The following NYAP2 variants were observed in gnomAD, a reference collection of about 807,000 sequenced individuals.
The protein encoded by NYAP2 is neuronal tyrosine-phosphorylated phosphoinositide-3-kinase adapter 2.
Under a neutral mutation model 50.4 loss-of-function variants are expected in NYAP2, and 23 were observed. The observed-to-expected ratio is 0.46, with a 90% CI of 0.33 to 0.65. The LOEUF is 0.65. Ranked by LOEUF, NYAP2 falls within the 30% of genes least tolerant of loss-of-function variation. NYAP2 has a pLI of 0.02. For missense variants in NYAP2, 885 were observed against 861.0 expected (o/e 1.03, Z -0.35); for synonymous variants, 394 against 365.2 (o/e 1.08, Z -0.90).
the NYAP2 span, among the ~76,000 whole-genome samples, chr2:225,674,296 A>G: frequency 1.3e-5 from 2 of 152,118 alleles, no homozygotes; most frequent in African/African-American, 4.8e-5. Flanking sequence ...GACATGCTGT[A>G]CAAAGAAGGG....
At chr2:225,587,933 C>T (rs888234618) in intron 5 of NYAP2, among the ~76,000 whole-genome samples, 3 of 149,258 alleles carry the variant, frequency 2.0e-5, no homozygotes, top group Non-Finnish European at 4.5e-5. Flanking sequence ...GTAGTAAATA[C>T]TTTTTTTTTT....
intron 3 of NYAP2, among the ~76,000 whole-genome samples, chr2:225,416,438 A>T (rs994838886): frequency 2.6e-5 from 4 of 152,164 alleles, no homozygotes; most frequent in African/African-American, 9.6e-5. Flanking sequence ...GAGTCCCCTT[A>T]TACAGGTCAA....
At chr2:225,522,290 C>T (rs1574657198) in intron 4 of NYAP2, among the ~76,000 whole-genome samples, 1 of 152,186 alleles carries the variant, frequency 6.6e-6, no homozygotes, top group African/African-American at 2.4e-5. Context: ...TATTTTCAAA[C>T]TTCTTTATTA....
chr2:225,680,492 GA>G, the NYAP2 span, among the ~76,000 whole-genome samples: 1 of 152,082 alleles, frequency 6.6e-6, no homozygotes, highest in African/African-American at 2.4e-5. Context: ...GTTTTCTCAA[GA>G]AATTCTTTTT....
intron 4 of NYAP2, among the ~76,000 whole-genome samples, chr2:225,534,840 G>A (rs965657000): frequency 1.3e-5 from 2 of 152,150 alleles, no homozygotes; most frequent in East Asian, 3.9e-4. Flanking sequence ...TAACTCCCAG[G>A]GCTGAGTCAG....
chr2:225,652,237 A>G (rs1693744663), exon 7 of NYAP2: 1 of 152,178 alleles, frequency 6.6e-6, no homozygotes, highest in African/African-American at 2.4e-5. Flanking sequence ...GATAATCTAG[A>G]TATTTAACAA....
At chr2:225,585,688 A>G (rs932351848) in intron 5 of NYAP2, among the ~76,000 whole-genome samples, 1 of 152,262 alleles carries the variant, frequency 6.6e-6, no homozygotes, top group South Asian at 2.1e-4. Context: ...TGCAGGTAAT[A>G]CAAATGAATA....
intron 3 of NYAP2, among the ~76,000 whole-genome samples, chr2:225,466,325 T>A (rs1056942909): frequency 2.6e-5 from 4 of 152,214 alleles, no homozygotes; most frequent in Non-Finnish European, 5.9e-5. Flanking sequence ...GTGTCATGAG[T>A]GCCTATTATA....
intron 5 of NYAP2, among the ~76,000 whole-genome samples, chr2:225,600,739 C>T (rs1262747069): frequency 6.6e-6 from 1 of 152,198 alleles, no homozygotes; most frequent in Non-Finnish European, 1.5e-5. Flanking sequence ...TTCCCAATCC[C>T]CTCTTCCCAC....
At chr2:225,503,805 T>G (rs1690650104) in intron 3 of NYAP2, among the ~76,000 whole-genome samples, 1 of 152,186 alleles carries the variant, frequency 6.6e-6, no homozygotes. Flanking sequence ...GACCATAAAA[T>G]CCATTCAATA....
the NYAP2 span, among the ~76,000 whole-genome samples, chr2:225,666,188 A>C: frequency 1.3e-5 from 2 of 151,946 alleles, no homozygotes; most frequent in African/African-American, 2.4e-5. Context: ...CAAATTGTTC[A>C]CCCCATATGT....
At chr2:225,613,403 C>T (rs1326118785) in intron 5 of NYAP2, among the ~76,000 whole-genome samples, 5 of 152,148 alleles carry the variant, frequency 3.3e-5, no homozygotes, top group Non-Finnish European at 7.3e-5. Flanking sequence ...ATGGTGCCCA[C>T]CCACATTGAG....
chr2:225,634,073 A>G (rs1693368584), intron 6 of NYAP2, among the ~76,000 whole-genome samples: 1 of 152,170 alleles, frequency 6.6e-6, no homozygotes, highest in Non-Finnish European at 1.5e-5. Flanking sequence ...CAATAGCAAC[A>G]CTGGTAAGAG....
At chr2:225,404,487 T>A (rs1468274545) in intron 2 of NYAP2, among the ~76,000 whole-genome samples, 2 of 151,992 alleles carry the variant, frequency 1.3e-5, no homozygotes, top group Non-Finnish European at 1.5e-5. Context: ...ATTGGAAAAG[T>A]ATAATGATGG....
intron 4 of NYAP2, among the ~76,000 whole-genome samples, chr2:225,554,497 G>A (rs1355592379): frequency 1.3e-5 from 2 of 151,234 alleles, no homozygotes; most frequent in African/African-American, 4.9e-5. Flanking sequence ...ATTTTTTTTT[G>A]TACTTTTAGT....
chr2:225,621,332 T>A (rs2106254042), intron 5 of NYAP2, among the ~76,000 whole-genome samples: 1 of 152,382 alleles, frequency 6.6e-6, no homozygotes, highest in East Asian at 1.9e-4. Context: ...TCTTTAATTA[T>A]TGTGCGGGAA....
At chr2:225,550,132 A>T (rs1691646352) in intron 4 of NYAP2, among the ~76,000 whole-genome samples, 1 of 152,216 alleles carries the variant, frequency 6.6e-6, no homozygotes, top group African/African-American at 2.4e-5. Flanking sequence ...AGGAAAACAC[A>T]AAGTATTTTA....
At chr2:225,429,309 A>G (rs942663979) in intron 3 of NYAP2, among the ~76,000 whole-genome samples, 1 of 152,248 alleles carries the variant, frequency 6.6e-6, no homozygotes, top group Non-Finnish European at 1.5e-5. Flanking sequence ...CTAAGCTTGC[A>G]TGTTGCATAG....
At chr2:225,403,943 CAA>C (rs530168043) in intron 2 of NYAP2, among the ~76,000 whole-genome samples, 2 of 151,828 alleles carry the variant, frequency 1.3e-5, no homozygotes, top group South Asian at 4.1e-4. Context: ...TGCTCTGAAG[CAA>C]AGAGAAAAGA....
Sources: allele counts gnomAD v4.1 joint callset (sites outside exome capture counted in the v4.1 genomes callset), GRCh38; gene constraint gnomAD v4.1.1; transcripts MANE v1.5; gene names NCBI Gene and HGNC (gene_info 2026-07-23, HGNC 2026-07-21).